Variants in ADGRL3 observed in about 807,000 individuals in gnomAD.
ADGRL3 encodes the protein calcium-independent alpha-latrotoxin receptor 3.
ADGRL3 carries 62 observed loss-of-function variants against 153.5 expected under a neutral mutation model. That is an observed-to-expected ratio of 0.40 (90% confidence interval 0.33 to 0.50). The LOEUF (loss-of-function observed/expected upper bound fraction) is 0.50. ADGRL3 is among the 20% of genes least tolerant of loss of function. The probability of loss-of-function intolerance (pLI) is 0.47; values close to 1 mark genes in which losing one functional copy is unlikely to be tolerated. For synonymous variants in ADGRL3, 710 were observed against 672.5 expected (o/e 1.06, Z -0.86); for missense variants, 1,641 against 1,859.4 (o/e 0.88, Z 2.16).
In ADGRL3 at chr4:62,076,371, T is replaced by C. The variant is rs770323653; in HGVS notation, c.*5463T>C. 7.2e-5 allele frequency: 11 copies of C among 151,826 alleles called. No individual in the cohort carries two copies. The highest frequency in any genetic ancestry group is 1.6e-4 in the Non-Finnish European group (11 of 67,948). The allele number at this position is 151,826 out of a possible 1,614,324, so 9.4% of individuals were successfully genotyped here. A position where few individuals can be genotyped will look rare whatever the true frequency, so the allele number is the denominator to read the frequency against. ...TTTTAGGAAGGCTTGTGAAAGAACTTTGATTTATGTGAAGAAATCAAGAAA... is the reference window on the plus strand; with the variant it reads ...TTTTAGGAAGGCTTGTGAAAGAACTCTGATTTATGTGAAGAAATCAAGAAA... On this transcript the variant is annotated 3_prime_UTR_variant, in exon 27 of 27. Coordinates refer to ENST00000683033, the MANE Select transcript of ADGRL3 (RefSeq NM_001387552.1).
chr4:61,840,418 T>C (rs1159151712), intron 9 of ADGRL3, among the ~76,000 whole-genome samples: 1 of 152,228 alleles, frequency 6.6e-6, no homozygotes, highest in East Asian at 1.9e-4. Flanking sequence ...CATGTTATGA[T>C]ATTAAATCCT....
In ADGRL3 at chr4:61,526,255, C is replaced by T. The variant is rs150573449; in HGVS notation, c.259+8737C>T. 9.7e-4 allele frequency among the ~76,000 whole-genome samples: 148 copies of T among 152,258 alleles called. 2 individuals are homozygous for T. The highest frequency in any genetic ancestry group is 1.2e-3 in the South Asian group (6 of 4,832). On this transcript the variant is annotated intron_variant, in intron 4 of 26. Coordinates refer to ENST00000683033, the MANE Select transcript of ADGRL3 (RefSeq NM_001387552.1). ...AGAAAATGATTGGTTTTGATTCTCACTGATAAATTACTGACTCAATGACCT... is the reference window on the plus strand; with the variant it reads ...AGAAAATGATTGGTTTTGATTCTCATTGATAAATTACTGACTCAATGACCT...
At chr4:61,828,099 G>C (rs1449923605) in intron 9 of ADGRL3, among the ~76,000 whole-genome samples, 5 of 152,166 alleles carry the variant, frequency 3.3e-5, no homozygotes, top group African/African-American at 9.7e-5. Flanking sequence ...ATTTATTTAG[G>C]TTTTAATAAG....
At chr4:61,952,785 G>A (rs78072574) in intron 17 of ADGRL3, among the ~76,000 whole-genome samples, 3 of 152,228 alleles carry the variant, frequency 2.0e-5, no homozygotes, top group East Asian at 3.9e-4. Context: ...AATAAACTCA[G>A]ACTCAGAAAA....
chr4:61,497,799 C>G (rs1478147761), intron 3 of ADGRL3, among the ~76,000 whole-genome samples: 1 of 151,802 alleles, frequency 6.6e-6, no homozygotes, highest in East Asian at 1.9e-4. Context: ...GCTGGGATTA[C>G]AGGCGTGAGC....
chr4:61,737,326 G>GTA (rs1218789445), intron 8 of ADGRL3, among the ~76,000 whole-genome samples: 1 of 152,032 alleles, frequency 6.6e-6, no homozygotes, highest in African/African-American at 2.4e-5. Flanking sequence ...ATATAAAGGG[G>GTA]TATCTATGTT....
intron 1 of ADGRL3, among the ~76,000 whole-genome samples, chr4:61,318,002 C>T (rs1443113441): frequency 1.3e-5 from 2 of 151,558 alleles, no homozygotes; most frequent in African/African-American, 4.8e-5. Context: ...ATGGTGAAAC[C>T]CCATCTCTAT....
chr4:61,995,370 TG>T (rs972195372), intron 19 of ADGRL3, among the ~76,000 whole-genome samples: 3 of 152,178 alleles, frequency 2.0e-5, no homozygotes, highest in African/African-American at 7.2e-5. Flanking sequence ...ATTCCATTAT[TG>T]CTTAGGTTTA....
chr4:61,368,248 C>G (rs1053153154), intron 1 of ADGRL3, among the ~76,000 whole-genome samples: 2 of 152,074 alleles, frequency 1.3e-5, no homozygotes, highest in African/African-American at 2.4e-5. Context: ...TTAATTAGAT[C>G]CCATTTGTCA....
intron 21 of ADGRL3, among the ~76,000 whole-genome samples, chr4:62,015,705 G>A (rs1026296728): frequency 6.6e-6 from 1 of 152,160 alleles, no homozygotes; most frequent in Non-Finnish European, 1.5e-5. Context: ...TAAAACTTGT[G>A]TGCCTATTTG....
At chr4:61,586,464 A>C (rs1265077293) in intron 4 of ADGRL3, among the ~76,000 whole-genome samples, 1 of 152,094 alleles carries the variant, frequency 6.6e-6, no homozygotes, top group Admixed American at 6.6e-5. Flanking sequence ...ATATCATTAC[A>C]TTTATAAATA....
chr4:61,759,559 G>C (rs565620600), intron 8 of ADGRL3, among the ~76,000 whole-genome samples: 2 of 152,120 alleles, frequency 1.3e-5, no homozygotes, highest in Non-Finnish European at 1.5e-5. Flanking sequence ...GGTTATTCTA[G>C]TTAGCCATTC....
At chr4:61,417,920 G>A (rs2097162065) in intron 2 of ADGRL3, among the ~76,000 whole-genome samples, 1 of 152,130 alleles carries the variant, frequency 6.6e-6, no homozygotes, top group Non-Finnish European at 1.5e-5. Flanking sequence ...GCATTTTTTA[G>A]AAAATGAAAG....
intron 9 of ADGRL3, among the ~76,000 whole-genome samples, chr4:61,882,996 A>C (rs893698575): frequency 3.4e-4 from 52 of 152,248 alleles, no homozygotes; most frequent in African/African-American, 1.3e-3. Context: ...GGTACCTGTA[A>C]CCGCAGCTAC....
intron 3 of ADGRL3, among the ~76,000 whole-genome samples, chr4:61,501,179 C>T (rs2098382868): frequency 3.3e-5 from 5 of 152,122 alleles, no homozygotes; most frequent in Admixed American, 3.3e-4. Context: ...CATTAATTTA[C>T]CCACTACAAG....
intron 6 of ADGRL3, among the ~76,000 whole-genome samples, chr4:61,718,558 A>G (rs933794494): frequency 4.6e-5 from 7 of 152,202 alleles, no homozygotes; most frequent in African/African-American, 1.7e-4. Context: ...TGGAAGATGT[A>G]CTAAGATTTA....
At chr4:61,561,468 G>C (rs1201214551) in intron 4 of ADGRL3, among the ~76,000 whole-genome samples, 1 of 152,030 alleles carries the variant, frequency 6.6e-6, no homozygotes, top group Non-Finnish European at 1.5e-5. Flanking sequence ...AAGCTTCCAG[G>C]AAGAAAAATA....
Position 61,909,709 on chromosome 4 carries a change from A to G in ADGRL3, c.2037A>G (p.Pro679=). 2.5e-6 allele frequency: 4 copies of G among 1,576,404 alleles called. No homozygotes were observed. Among genetic ancestry groups the G allele is most frequent in the Non-Finnish European group, 3.4e-6 (4 of 1,160,758 alleles). ...ATGTACAGCTTCGGAACTTGACCCC[A>G]GGTGGAAAAGATAGTGCTGCCCGGA... ...LLDVQLRNLT[P]GGKDSAARSL... Residue 679 remains proline (P), a synonymous_variant, in exon 12 of 27, where the codon CCA becomes CCG. Coordinates refer to ENST00000683033, the MANE Select transcript of ADGRL3 (RefSeq NM_001387552.1).
chr4:61,849,489 T>TC (rs1360470083), intron 9 of ADGRL3, among the ~76,000 whole-genome samples: 1 of 152,018 alleles, frequency 6.6e-6, no homozygotes, highest in East Asian at 1.9e-4. Context: ...TTTATATTTT[T>TC]TTTTTGTGGA....
Sources: allele counts gnomAD v4.1 joint callset (sites outside exome capture counted in the v4.1 genomes callset), GRCh38; gene constraint gnomAD v4.1.1; transcripts MANE v1.5; gene names NCBI Gene and HGNC (gene_info 2026-07-23, HGNC 2026-07-21).